ADGRL3: variants seen among roughly 807,000 people sequenced by gnomAD.
The protein encoded by ADGRL3 is adhesion G protein-coupled receptor L3.
In ADGRL3, 62 loss-of-function variants were observed where a neutral mutation model predicts 153.5. The ratio of observed to expected loss-of-function variants is 0.40; its 90% CI spans 0.33 to 0.50. The LOEUF is 0.50. Ranked by LOEUF, ADGRL3 falls within the 20% of genes least tolerant of loss-of-function variation. ADGRL3 has a pLI of 0.47. For missense variants in ADGRL3, 1,641 were observed against 1,859.4 expected (o/e 0.88, Z 2.16); for synonymous variants, 710 against 672.5 (o/e 1.06, Z -0.86).
At chr4:61,333,274 T>C (rs1334923422) in intron 1 of ADGRL3, among the ~76,000 whole-genome samples, 3 of 152,130 alleles carry the variant, frequency 2.0e-5, no homozygotes, top group Non-Finnish European at 4.4e-5. Context: ...TATAAGGTCT[T>C]ACCACAAAGA....
intron 8 of ADGRL3, among the ~76,000 whole-genome samples, chr4:61,782,182 G>A (rs1301527622): frequency 1.3e-5 from 2 of 152,080 alleles, no homozygotes; most frequent in Non-Finnish European, 2.9e-5. Context: ...TCCTAAATAT[G>A]TGAGTTCCCT....
At chr4:61,235,725 C>G (rs1752533294) in intron 1 of ADGRL3, among the ~76,000 whole-genome samples, 1 of 152,186 alleles carries the variant, frequency 6.6e-6, no homozygotes. Context: ...GATAACTTGA[C>G]TAACCTATGG....
At chr4:61,681,160 G>C (rs148593643) in intron 6 of ADGRL3, among the ~76,000 whole-genome samples, 1 of 152,016 alleles carries the variant, frequency 6.6e-6, no homozygotes, top group Non-Finnish European at 1.5e-5. Context: ...GATTGAAATT[G>C]TGTCATCTAG....
At chr4:61,692,831 T>A (rs1373135634) in intron 6 of ADGRL3, among the ~76,000 whole-genome samples, 1 of 152,178 alleles carries the variant, frequency 6.6e-6, no homozygotes, top group Non-Finnish European at 1.5e-5. Context: ...TATTTTACTT[T>A]GAAAAATTCT....
intron 1 of ADGRL3, among the ~76,000 whole-genome samples, chr4:61,345,090 GC>G: frequency 6.6e-6 from 1 of 151,786 alleles, no homozygotes; most frequent in East Asian, 1.9e-4. Flanking sequence ...GAGACATCAC[GC>G]CCGGCCTTAC....
At chr4:61,522,661 A>C (rs2098538022) in intron 4 of ADGRL3, among the ~76,000 whole-genome samples, 1 of 152,088 alleles carries the variant, frequency 6.6e-6, no homozygotes, top group African/African-American at 2.4e-5. Context: ...CTAACTAGAG[A>C]AGTCATTCAC....
intron 13 of ADGRL3, among the ~76,000 whole-genome samples, chr4:61,923,336 T>C (rs1429485841): frequency 6.6e-6 from 1 of 151,002 alleles, no homozygotes; most frequent in Admixed American, 6.6e-5. Context: ...CATTGCCAAA[T>C]TCTTCTGTTA....
chr4:61,935,102 T>C (rs920983424), intron 14 of ADGRL3, 79 bp downstream of exon 14: 1 of 1,197,328 alleles, frequency 8.4e-7, no homozygotes, highest in African/African-American at 1.5e-5. Context: ...ATCTCTGGTG[T>C]CCTAGATATG....
intron 1 of ADGRL3, among the ~76,000 whole-genome samples, chr4:61,361,891 A>G (rs566627347): frequency 6.6e-6 from 1 of 151,646 alleles, no homozygotes; most frequent in South Asian, 2.1e-4. Context: ...ATTGAAGAAA[A>G]ATATTTAGAA....
chr4:61,294,096 T>A, intron 1 of ADGRL3, among the ~76,000 whole-genome samples: 1 of 152,126 alleles, frequency 6.6e-6, no homozygotes, highest in East Asian at 1.9e-4. Context: ...CTTTCGAAAA[T>A]ACTTCGAAAT....
chr4:61,750,001 A>C (rs1158864589), intron 8 of ADGRL3, among the ~76,000 whole-genome samples: 1 of 152,124 alleles, frequency 6.6e-6, no homozygotes, highest in African/African-American at 2.4e-5. Context: ...TCATTGATTG[A>C]TTCTTTTTTT....
At chr4:61,375,293 A>T (rs373586267) in intron 1 of ADGRL3, among the ~76,000 whole-genome samples, 1 of 152,198 alleles carries the variant, frequency 6.6e-6, no homozygotes, top group Non-Finnish European at 1.5e-5. Flanking sequence ...ATGAAGAGAA[A>T]GTACAGTTTT....
chr4:61,243,052 A>G (rs755761125), intron 1 of ADGRL3, among the ~76,000 whole-genome samples: 8 of 152,102 alleles, frequency 5.3e-5, no homozygotes, highest in Non-Finnish European at 8.8e-5. Context: ...ATTAATTTCA[A>G]CATGGGAATC....
intron 9 of ADGRL3, among the ~76,000 whole-genome samples, chr4:61,842,269 A>AT: frequency 6.6e-6 from 1 of 152,048 alleles, no homozygotes; most frequent in Non-Finnish European, 1.5e-5. Context: ...GGGTGGGAGA[A>AT]TTTTTCCTTA....
Position 61,200,565 on chromosome 4 carries a change from C to T in ADGRL3, c.-1440C>T, listed in dbSNP as rs1407089292. Among the ~76,000 whole-genome samples the T allele has an allele frequency of 6.6e-6, 1 of 151,340 alleles. No homozygotes were observed. The highest frequency in any genetic ancestry group is 1.5e-5 in the Non-Finnish European group (1 of 67,812). ...CTCGGACTGCTCGTTGCCTCCGCTC[C>T]GGCAGCTGCTGCCGCCGCCACCGCC... On this transcript the variant is annotated 5_prime_UTR_variant, in exon 1 of 27. Coordinates refer to ENST00000683033, the MANE Select transcript of ADGRL3 (RefSeq NM_001387552.1).
chr4:61,866,728 A>G (rs938476410), intron 9 of ADGRL3, among the ~76,000 whole-genome samples: 2 of 152,270 alleles, frequency 1.3e-5, no homozygotes, highest in African/African-American at 4.8e-5. Flanking sequence ...CTCTTCTGGC[A>G]TTAACTAAAA....
chr4:61,528,662 C>T (rs1013704396), intron 4 of ADGRL3, among the ~76,000 whole-genome samples: 2 of 152,076 alleles, frequency 1.3e-5, no homozygotes, highest in Non-Finnish European at 2.9e-5. Flanking sequence ...TTTGTTTATT[C>T]TCTAGCCAGA....
At chr4:61,485,981 T>C (rs1273293048) in intron 2 of ADGRL3, among the ~76,000 whole-genome samples, 3 of 152,086 alleles carry the variant, frequency 2.0e-5, no homozygotes, top group Admixed American at 2.0e-4. Flanking sequence ...TCTCGCTCTG[T>C]CGCCCCGGCT....
chr4:61,820,355 GAATAGGGGTGTAAATTCC>G (rs2097737388), intron 9 of ADGRL3, among the ~76,000 whole-genome samples: 1 of 152,032 alleles, frequency 6.6e-6, no homozygotes, highest in Non-Finnish European at 1.5e-5. Flanking sequence ...TTTTATTACT[GAATAGGGGTGTAAATTCC>G]AATAGTTTAC....
Sources: gnomAD v4.1 joint callset for allele counts (sites outside exome capture counted in the v4.1 genomes callset) on GRCh38, gnomAD v4.1.1 for gene constraint, MANE v1.5 for transcripts, NCBI Gene and HGNC (gene_info 2026-07-23, HGNC 2026-07-21) for gene names.